PLCB1: variants seen among roughly 807,000 people sequenced by gnomAD.
PLCB1 encodes phospholipase C beta 1.
Under a neutral mutation model 161.8 loss-of-function variants are expected in PLCB1, and 46 were observed. The ratio of observed to expected loss-of-function variants is 0.28; its 90% CI spans 0.22 to 0.36. PLCB1 has a LOEUF of 0.36. Ranked by LOEUF, PLCB1 falls within the 10% of genes least tolerant of loss-of-function variation. The pLI is 1.00. For missense variants in PLCB1, 1,016 were observed against 1,472.5 expected (o/e 0.69, Z 5.07); for synonymous variants, 517 against 503.7 (o/e 1.03, Z -0.35).
intron 9 of PLCB1, among the ~76,000 whole-genome samples, chr20:8,665,427 C>T (rs947466175): frequency 6.6e-6 from 1 of 152,188 alleles, no homozygotes; most frequent in African/African-American, 2.4e-5. Context: ...AAGTGAGACT[C>T]AGAGCCTTGG....
At chr20:8,586,788 G>A (rs1006710052) in intron 3 of PLCB1, among the ~76,000 whole-genome samples, 8 of 152,150 alleles carry the variant, frequency 5.3e-5, no homozygotes, top group South Asian at 4.1e-4. Context: ...TGTTAGTGAC[G>A]TTTTACCCTT....
chr20:8,438,284 A>T (rs1230807836), intron 3 of PLCB1, among the ~76,000 whole-genome samples: 1 of 152,218 alleles, frequency 6.6e-6, no homozygotes, highest in East Asian at 1.9e-4. Flanking sequence ...TCCATATTAT[A>T]TACATACCTA....
At chr20:8,645,700 T>G (rs539441104) in intron 4 of PLCB1, among the ~76,000 whole-genome samples, 2 of 152,330 alleles carry the variant, frequency 1.3e-5, no homozygotes, top group Admixed American at 1.3e-4. Flanking sequence ...TGCTTTGGCA[T>G]GAGTAGTAGA....
intron 3 of PLCB1, among the ~76,000 whole-genome samples, chr20:8,433,483 G>C (rs1375267313): frequency 8.4e-6 from 1 of 118,798 alleles, no homozygotes; most frequent in African/African-American, 3.5e-5. Context: ...GCAAAGTAAA[G>C]CCCCTGCTGT....
chr20:8,869,275 G>A (rs948540999), intron 31 of PLCB1, among the ~76,000 whole-genome samples: 2 of 151,968 alleles, frequency 1.3e-5, no homozygotes, highest in Non-Finnish European at 2.9e-5. Context: ...ATCAAAATTT[G>A]TTTCCTAATT....
At chr20:8,758,206 T>A (rs1981836052) in intron 24 of PLCB1, among the ~76,000 whole-genome samples, 1 of 150,172 alleles carries the variant, frequency 6.7e-6, no homozygotes, top group Non-Finnish European at 1.5e-5. Context: ...TTTAAGGGTA[T>A]TTCTCATGGG....
At chr20:8,170,390 T>C (rs2051721584) in intron 2 of PLCB1, among the ~76,000 whole-genome samples, 1 of 152,100 alleles carries the variant, frequency 6.6e-6, no homozygotes, top group Non-Finnish European at 1.5e-5. Context: ...CTGAAAAATA[T>C]AACTCGAGTA....
intron 10 of PLCB1, among the ~76,000 whole-genome samples, chr20:8,687,759 A>G (rs1031203960): frequency 1.3e-5 from 2 of 152,206 alleles, no homozygotes; most frequent in African/African-American, 4.8e-5. Flanking sequence ...AGTTGGTTCC[A>G]CGATTTTGCT....
intron 2 of PLCB1, among the ~76,000 whole-genome samples, chr20:8,186,073 C>A (rs1046259540): frequency 6.6e-6 from 1 of 152,124 alleles, no homozygotes; most frequent in Non-Finnish European, 1.5e-5. Flanking sequence ...TCACCCTATA[C>A]TTCGCTTTTG....
rs1021075619 is a variant in PLCB1 at position 8,611,254 on chromosome 20, C to T, written c.247-17040C>T. 3.3e-5 allele frequency among the ~76,000 whole-genome samples: 5 copies of T among 151,992 alleles called. No homozygotes were observed. The East Asian group carries it at 9.6e-4, about 29-fold the overall frequency. On this transcript the variant is annotated intron_variant, in intron 3 of 31. Transcript: ENST00000338037. ...TTTGAAGGCTAAGAAAACATGTATA[C>T]AAGAAACTAAAATGGTGCCATTGGG...
At chr20:8,183,767 G>A (rs926964182) in intron 2 of PLCB1, among the ~76,000 whole-genome samples, 7 of 152,062 alleles carry the variant, frequency 4.6e-5, no homozygotes, top group African/African-American at 1.7e-4. Context: ...CAATCCACAG[G>A]TTTCCATATG....
At chr20:8,846,253 T>C (rs1299880997) in intron 31 of PLCB1, among the ~76,000 whole-genome samples, 1 of 151,878 alleles carries the variant, frequency 6.6e-6, no homozygotes, top group Non-Finnish European at 1.5e-5. Context: ...GAGAAGTCAC[T>C]CACTATTATG....
chr20:8,833,553 A>G (rs6118342), intron 31 of PLCB1, among the ~76,000 whole-genome samples: 5,061 of 152,240 alleles, frequency 0.033, 300 homozygotes, highest in African/African-American at 0.12. Context: ...AAAGAAGAGG[A>G]GGAGGAGGCA....
chr20:8,199,409 G>C (rs919977431), intron 2 of PLCB1, among the ~76,000 whole-genome samples: 37 of 152,098 alleles, frequency 2.4e-4, no homozygotes, highest in African/African-American at 8.7e-4. Flanking sequence ...GAATAAAACT[G>C]CTCCAATTTC....
At chr20:8,823,562 G>A (rs772777142) in intron 31 of PLCB1, among the ~76,000 whole-genome samples, 8 of 152,144 alleles carry the variant, frequency 5.3e-5, no homozygotes, top group African/African-American at 9.7e-5. Context: ...TAATCAATTC[G>A]TGTACACTTT....
chr20:8,724,012 G>A lies in PLCB1; in HGVS notation c.1582-644G>A, dbSNP rs550747421. On this transcript the variant is annotated intron_variant, in intron 15 of 31. Coordinates refer to ENST00000338037, the MANE Select transcript of PLCB1 (RefSeq NM_015192.4). Reference sequence around the variant, plus strand: ...ATTGTACAGTGAATTCTTAATTTACGAATCCGATGAGAACACATGGACACA... The same window carrying A: ...ATTGTACAGTGAATTCTTAATTTACAAATCCGATGAGAACACATGGACACA... Among the ~76,000 whole-genome samples the A allele has an allele frequency of 2.2e-4, 33 of 149,832 alleles. No individual in the cohort carries two copies. The South Asian group carries it at 3.8e-3, about 17-fold the overall frequency.
chr20:8,351,555 A>T (rs1478860618), intron 2 of PLCB1, among the ~76,000 whole-genome samples: 1 of 152,074 alleles, frequency 6.6e-6, no homozygotes, highest in Non-Finnish European at 1.5e-5. Flanking sequence ...AAAGGAAAAG[A>T]CATAGACTGG....
chr20:8,535,103 A>G (rs1461422335), intron 3 of PLCB1, among the ~76,000 whole-genome samples: 5 of 86,104 alleles, frequency 5.8e-5, no homozygotes, highest in Middle Eastern at 7.1e-3. Flanking sequence ...AGAGTTTTAA[A>G]GTAAAAAAAA....
chr20:8,580,468 GT>G (rs1398255116), intron 3 of PLCB1, among the ~76,000 whole-genome samples: 8 of 152,154 alleles, frequency 5.3e-5, no homozygotes, highest in African/African-American at 1.9e-4. Flanking sequence ...TCTTTCGAGG[GT>G]TTTCTTTCCA....
Sources: allele counts gnomAD v4.1 joint callset (sites outside exome capture counted in the v4.1 genomes callset), GRCh38; gene constraint gnomAD v4.1.1; transcripts MANE v1.5; gene names NCBI Gene and HGNC (gene_info 2026-07-23, HGNC 2026-07-21).